SP140L: variants seen among roughly 807,000 people sequenced by gnomAD.
The protein encoded by SP140L is SP140 like nuclear body protein.
Under a neutral mutation model 84.3 loss-of-function variants are expected in SP140L, and 64 were observed. The ratio of observed to expected loss-of-function variants is 0.76; its 90% confidence interval spans 0.62 to 0.94. The LOEUF (loss-of-function observed/expected upper bound fraction) is 0.94, where lower values mean the gene tolerates loss of function less well. Ranked by LOEUF, SP140L falls within the 40% of genes least tolerant of loss-of-function variation. The probability of loss-of-function intolerance (pLI) is 0.00; values close to 1 mark genes in which losing one functional copy is unlikely to be tolerated. For synonymous variants in SP140L, 242 were observed against 236.9 expected (o/e 1.02, Z -0.20); for missense variants, 628 against 692.5 (o/e 0.91, Z 1.05).
intron 8 of SP140L, among the ~76,000 whole-genome samples, chr2:230,384,905 C>A (rs1356871163): frequency 6.6e-6 from 1 of 152,154 alleles, no homozygotes; most frequent in Non-Finnish European, 1.5e-5. Flanking sequence ...GAGAAACACT[C>A]TGTCTTTAAA....
intron 2 of SP140L, among the ~76,000 whole-genome samples, chr2:230,349,886 G>A (rs934391195): frequency 6.6e-6 from 1 of 152,124 alleles, no homozygotes; most frequent in Non-Finnish European, 1.5e-5. Flanking sequence ...GCACATGCCT[G>A]TAATTCCAGC....
At chr2:230,351,473 A>T (rs2060362552) in intron 2 of SP140L, among the ~76,000 whole-genome samples, 1 of 152,184 alleles carries the variant, frequency 6.6e-6, no homozygotes, top group South Asian at 2.1e-4. Context: ...TATTAATATC[A>T]GGTATATTAA....
intron 2 of SP140L, among the ~76,000 whole-genome samples, chr2:230,348,568 G>T (rs544290900): frequency 3.9e-5 from 6 of 152,118 alleles, no homozygotes; most frequent in Non-Finnish European, 8.8e-5. Context: ...TTTAAATTGG[G>T]TTATCTTCTT....
At chr2:230,356,022 A>T (rs1373264064) in intron 2 of SP140L, among the ~76,000 whole-genome samples, 6 of 152,196 alleles carry the variant, frequency 3.9e-5, no homozygotes, top group African/African-American at 1.4e-4. Flanking sequence ...TTGAACAGAC[A>T]CTTCACCAAA....
intron 18 of SP140L, 80 bp from the exon 19 acceptor site, chr2:230,402,718 C>A (rs1195619419): frequency 6.4e-6 from 7 of 1,086,138 alleles, no homozygotes; most frequent in South Asian, 1.4e-5. Context: ...AGACAAGAGT[C>A]CTGATCATTC....
intron 5 of SP140L, among the ~76,000 whole-genome samples, chr2:230,363,884 C>T (rs541513206): frequency 1.4e-4 from 21 of 152,168 alleles, no homozygotes; most frequent in Middle Eastern, 3.4e-3. Context: ...TTCTTCTGCA[C>T]GTGAAGATCC....
chr2:230,359,809 A>C (rs2149736061), intron 4 of SP140L, among the ~76,000 whole-genome samples: 1 of 152,336 alleles, frequency 6.6e-6, no homozygotes, highest in East Asian at 1.9e-4. Flanking sequence ...CCCTGGGTCA[A>C]GTTTGCCTTT....
At chr2:230,385,059 G>A (rs1485134695) in intron 8 of SP140L, among the ~76,000 whole-genome samples, 165 bp from the exon 9 acceptor site, 2 of 152,182 alleles carry the variant, frequency 1.3e-5, no homozygotes, top group Admixed American at 1.3e-4. Flanking sequence ...GTTAAATTCT[G>A]TGTGTAATTT....
intron 7 of SP140L, among the ~76,000 whole-genome samples, chr2:230,377,689 T>G (rs781341558): frequency 6.6e-6 from 1 of 152,174 alleles, no homozygotes; most frequent in African/African-American, 2.4e-5. Context: ...TGAACATACA[T>G]GTATGTTCAG....
chr2:230,349,876 G>A (rs1293463137), intron 2 of SP140L, among the ~76,000 whole-genome samples: 2 of 152,150 alleles, frequency 1.3e-5, no homozygotes, highest in Non-Finnish European at 2.9e-5. Context: ...AGGAGTGGTA[G>A]CACATGCCTG....
chr2:230,375,518 T>C (rs1252090948), intron 7 of SP140L, among the ~76,000 whole-genome samples: 1 of 152,204 alleles, frequency 6.6e-6, no homozygotes, highest in Non-Finnish European at 1.5e-5. Flanking sequence ...ACTTACAGCA[T>C]ACAGGGGTTC....
chr2:230,397,126 G>A (rs970393401), intron 14 of SP140L, among the ~76,000 whole-genome samples: 1 of 152,214 alleles, frequency 6.6e-6, no homozygotes, highest in Admixed American at 6.5e-5. Context: ...GATAGGGCTG[G>A]CCTGGTGATT....
intron 14 of SP140L, 111 bp downstream of exon 14, chr2:230,396,909 T>C: frequency 1.5e-6 from 2 of 1,321,656 alleles, no homozygotes; most frequent in South Asian, 1.3e-5. Context: ...TCAGTTGGAG[T>C]ATGTGGCTGT....
chr2:230,377,246 G>GCT (rs10644687), intron 7 of SP140L, among the ~76,000 whole-genome samples: 107,670 of 151,764 alleles, frequency 0.71, 38,763 homozygotes, highest in South Asian at 0.76. Flanking sequence ...AAACTCCTGA[G>GCT]CAAGTGATCC....
intron 2 of SP140L, among the ~76,000 whole-genome samples, chr2:230,349,340 C>G (rs1343484602): frequency 6.6e-6 from 1 of 152,080 alleles, no homozygotes. Context: ...ATTGTTTTGG[C>G]TATTCTGGGT....
At chr2:230,353,636 A>T (rs1030849721) in intron 2 of SP140L, among the ~76,000 whole-genome samples, 1 of 151,968 alleles carries the variant, frequency 6.6e-6, no homozygotes. Context: ...CTTTAGTTGG[A>T]TTCTATCTTT....
chr2:230,342,339 C>T (rs2060076830), intron 2 of SP140L, among the ~76,000 whole-genome samples: 1 of 152,246 alleles, frequency 6.6e-6, no homozygotes, highest in African/African-American at 2.4e-5. Flanking sequence ...CAATGCCTCG[C>T]CCTGCTTCCG....
intron 2 of SP140L, among the ~76,000 whole-genome samples, chr2:230,353,249 T>C (rs2149718692): frequency 6.6e-6 from 1 of 152,228 alleles, no homozygotes; most frequent in Non-Finnish European, 1.5e-5. Context: ...TTTTGCTTTC[T>C]AAAATCTTAA....
chr2:230,395,024 A>C (rs2061988410), intron 13 of SP140L, among the ~76,000 whole-genome samples: 1 of 151,680 alleles, frequency 6.6e-6, no homozygotes, highest in African/African-American at 2.4e-5. Flanking sequence ...CACTCTTGTC[A>C]TTCAGACTGG....
Sources: gnomAD v4.1 joint callset for allele counts (sites outside exome capture counted in the v4.1 genomes callset) on GRCh38, gnomAD v4.1.1 for gene constraint, MANE v1.5 for transcripts, NCBI Gene and HGNC (gene_info 2026-07-23, HGNC 2026-07-21) for gene names.